The following CHMP4C variants were observed in gnomAD, a reference collection of about 807,000 sequenced individuals.
The protein encoded by CHMP4C is SNF7 homolog associated with Alix 3.
Under a neutral mutation model 29.0 loss-of-function variants are expected in CHMP4C, and 28 were observed. The observed-to-expected ratio is 0.97, with a 90% CI of 0.72 to 1.32. The LOEUF (loss-of-function observed/expected upper bound fraction) is 1.32, where lower values mean the gene tolerates loss of function less well. Among genes scored for constraint, CHMP4C ranks in the 40% most tolerant of loss-of-function variants. The probability of loss-of-function intolerance (pLI) is 0.00; values close to 1 mark genes in which losing one functional copy is unlikely to be tolerated. For missense variants in CHMP4C, 291 were observed against 281.0 expected (o/e 1.04, Z -0.25); for synonymous variants, 106 against 102.4 (o/e 1.04, Z -0.21).
chr8:81,758,373 T>C, intron 4 of CHMP4C, 78 bp downstream of exon 4: 1 of 1,579,352 alleles, frequency 6.3e-7, no homozygotes, highest in Admixed American at 1.7e-5. Flanking sequence ...TTAGCACATG[T>C]TTTTGATTTC....
chr8:81,733,299 CTGAG>C (rs1438901213), intron 1 of CHMP4C, among the ~76,000 whole-genome samples: 3 of 152,096 alleles, frequency 2.0e-5, no homozygotes, highest in African/African-American at 7.2e-5. Context: ...GTCTTGATTA[CTGAG>C]TGTTTTCGCA....
intron 1 of CHMP4C, among the ~76,000 whole-genome samples, chr8:81,733,717 G>A (rs1308433428): frequency 6.6e-6 from 1 of 152,108 alleles, no homozygotes; most frequent in African/African-American, 2.4e-5. Context: ...CAGCACCTGT[G>A]GCACAGATAA....
chr8:81,737,122 T>A (rs1808702064), intron 1 of CHMP4C, among the ~76,000 whole-genome samples: 1 of 152,218 alleles, frequency 6.6e-6, no homozygotes, highest in African/African-American at 2.4e-5. Context: ...AACTCTTGCT[T>A]TATAGGTGGT....
intron 1 of CHMP4C, among the ~76,000 whole-genome samples, chr8:81,735,903 A>G (rs1808682401): frequency 2.0e-5 from 3 of 152,022 alleles, no homozygotes; most frequent in African/African-American, 7.2e-5. Flanking sequence ...GCTGGCCAAC[A>G]TGGTGAAACC....
chr8:81,749,414 G>T (rs916442188), intron 1 of CHMP4C, among the ~76,000 whole-genome samples: 1 of 152,124 alleles, frequency 6.6e-6, no homozygotes, highest in Non-Finnish European at 1.5e-5. Flanking sequence ...TATGTATTTT[G>T]TTGGCCAGGT....
intron 1 of CHMP4C, among the ~76,000 whole-genome samples, chr8:81,733,264 A>G (rs1322938505): frequency 6.6e-6 from 1 of 152,142 alleles, no homozygotes; most frequent in Non-Finnish European, 1.5e-5. Flanking sequence ...TTGAATTTTA[A>G]AAATATTGCA....
chr8:81,743,984 G>C (rs1175306798), intron 1 of CHMP4C, among the ~76,000 whole-genome samples: 1 of 152,096 alleles, frequency 6.6e-6, no homozygotes, highest in Non-Finnish European at 1.5e-5. Context: ...CTTGCTTATA[G>C]CAATATTGCA....
chr8:81,741,199 A>G (rs1410683796), intron 1 of CHMP4C, among the ~76,000 whole-genome samples: 1 of 152,158 alleles, frequency 6.6e-6, no homozygotes, highest in African/African-American at 2.4e-5. Flanking sequence ...AGTATTGTAA[A>G]TATTTGAACA....
chr8:81,758,219 T>C lies in CHMP4C; in HGVS notation c.561T>C (p.Asn187=). 1.9e-6 allele frequency: 3 copies of C among 1,613,952 alleles called. No homozygotes were observed. The highest frequency in any genetic ancestry group is 2.5e-6 in the Non-Finnish European group (3 of 1,179,922). ...NKKMTNIRLP[N]VPSSSLPAQP... is the part of the protein sequence containing the mutation. ...AGATGACAAATATCCGCCTTCCAAA[T>C]GTGCCTTCCTCTTCTCTCCCAGCAC... Residue 187 remains asparagine, a synonymous_variant, in exon 4 of 5, where the codon AAT becomes AAC. Transcript: ENST00000297265.
In CHMP4C at chr8:81,755,427, C is replaced by T. The variant is rs1219399601; in HGVS notation, c.426C>T (p.Ala142=). ...AGATCACAGAGCAACAGGATATCGC[C>T]CAAGAAATCTCAGAAGCATTTTCTC... ...MQEITEQQDI[A]QEISEAFSQR... Residue 142 remains alanine (A), a synonymous_variant, in exon 3 of 5, where the codon GCC becomes GCT. Transcript: ENST00000297265. 3 of 1,612,038 alleles carry T rather than the reference C, an allele frequency of 1.9e-6. No individual in the cohort carries two copies. Among genetic ancestry groups the T allele is most frequent in the Non-Finnish European group, 2.5e-6 (3 of 1,178,698 alleles).
In CHMP4C at chr8:81,736,750, C is replaced by A. The variant is rs1271353854; in HGVS notation, c.190+3934C>A. Among the ~76,000 whole-genome samples, 6 of 152,262 alleles carry A rather than the reference C, an allele frequency of 3.9e-5. No individual in the cohort carries two copies. The East Asian group carries it at 1.2e-3, about 29-fold the overall frequency. ...GGTGAATTGGAGCACCTCAAAGTAC[C>A]TAGAGTTGGGACTTCATTGAGCTCA... is the stretch of plus-strand genomic sequence containing the variant. On this transcript the variant is annotated intron_variant, in intron 1 of 4. Coordinates refer to ENST00000297265, the MANE Select transcript of CHMP4C (RefSeq NM_152284.4).
intron 1 of CHMP4C, among the ~76,000 whole-genome samples, chr8:81,745,510 A>G (rs74544416): frequency 0.051 from 7,717 of 152,328 alleles, 224 homozygotes; most frequent in Middle Eastern, 0.12. Context: ...TACATGAGCA[A>G]TGAAATTGAA....
chr8:81,758,364 T>C (rs375289390), intron 4 of CHMP4C, 69 bp downstream of exon 4: 28 of 1,587,796 alleles, frequency 1.8e-5, no homozygotes, highest in African/African-American at 1.3e-4. Context: ...CCATTCTTTT[T>C]AGCACATGTT....
intron 2 of CHMP4C, among the ~76,000 whole-genome samples, chr8:81,753,856 G>A (rs1205014192): frequency 4.6e-5 from 7 of 151,864 alleles, no homozygotes; most frequent in Admixed American, 2.0e-4. Flanking sequence ...TACTTACCTC[G>A]TGGTTATTGT....
intron 1 of CHMP4C, among the ~76,000 whole-genome samples, chr8:81,747,628 C>G (rs891356433): frequency 1.3e-5 from 2 of 152,020 alleles, no homozygotes; most frequent in African/African-American, 4.8e-5. Context: ...CACATAGGTT[C>G]TTTTCTATTT....
chr8:81,747,022 C>A (rs74613289), intron 1 of CHMP4C, among the ~76,000 whole-genome samples: 1 of 152,080 alleles, frequency 6.6e-6, no homozygotes, highest in Non-Finnish European at 1.5e-5. Flanking sequence ...TATGTAAAGC[C>A]ACATAGCCTT....
At chr8:81,732,889 A>C in intron 1 of CHMP4C, 73 bp downstream of exon 1, 2 of 1,414,610 alleles carry the variant, frequency 1.4e-6, no homozygotes, top group Non-Finnish European at 1.9e-6. Flanking sequence ...ATCGGCCCAC[A>C]CCACTGAGGT....
chr8:81,735,583 T>C (rs921047300), intron 1 of CHMP4C, among the ~76,000 whole-genome samples: 2 of 152,218 alleles, frequency 1.3e-5, no homozygotes, highest in African/African-American at 4.8e-5. Flanking sequence ...ATAATTTATG[T>C]GCAATTGAAG....
In CHMP4C at chr8:81,753,095, G is replaced by A. The variant is rs373262776; in HGVS notation, c.222G>A (p.Arg74=). The A allele has an allele frequency of 3.7e-6, 6 of 1,611,600 alleles. No homozygotes were observed. The highest frequency in any genetic ancestry group is 3.3e-5 in the Admixed American group (2 of 59,766). ...TACAGGCACTAAAGAGAAAGAAGAG[G>A]TTCGAGAAACAGCTCACTCAGATTG... ...AALQALKRKK[R]FEKQLTQIDG... The change falls in exon 2 of 5, where the codon AGG becomes AGA. Residue 74 remains arginine (R), a synonymous_variant. Transcript: ENST00000297265.
Sources: gnomAD v4.1 joint callset for allele counts (sites outside exome capture counted in the v4.1 genomes callset) on GRCh38, gnomAD v4.1.1 for gene constraint, MANE v1.5 for transcripts, NCBI Gene and HGNC (gene_info 2026-07-23, HGNC 2026-07-21) for gene names.